Variants in HYDIN observed in about 807,000 individuals in gnomAD.
HYDIN encodes the protein HYDIN axonemal central pair apparatus protein.
In HYDIN, 132 loss-of-function variants were observed where a neutral mutation model predicts 403.9. That is an observed-to-expected ratio of 0.33 (90% confidence interval 0.28 to 0.38). HYDIN has a LOEUF of 0.38. Ranked by LOEUF, HYDIN falls within the 10% of genes least tolerant of loss-of-function variation. HYDIN has a pLI of 1.00. For missense variants in HYDIN, 2,827 were observed against 5,009.5 expected, an observed-to-expected ratio of 0.56 and a Z score of 13.15; for synonymous variants, 1,202 against 1,891.7, an observed-to-expected ratio of 0.64 and a Z score of 9.46.
intron 6 of HYDIN, 84 bp from the exon 7 acceptor site, chr16:71,152,867 C>T: frequency 8.7e-7 from 1 of 1,155,540 alleles, no homozygotes; most frequent in South Asian, 1.4e-5. Flanking sequence ...AGTTCTAGTT[C>T]TGCAGACAGC....
intron 7 of HYDIN, among the ~76,000 whole-genome samples, chr16:71,138,867 C>T (rs10852497): frequency 2.0e-4 from 30 of 152,004 alleles, no homozygotes; most frequent in African/African-American, 2.7e-4. Context: ...GCAGATCACC[C>T]GAGGTCGGGA....
chr16:71,004,627 G>A (rs2079837090), intron 23 of HYDIN, among the ~76,000 whole-genome samples: 1 of 151,948 alleles, frequency 6.6e-6, no homozygotes, highest in Non-Finnish European at 1.5e-5. Context: ...TAATATTTTG[G>A]TGAATGTTTT....
At chr16:71,228,242 T>C (rs981497189) in intron 1 of HYDIN, among the ~76,000 whole-genome samples, 4 of 152,018 alleles carry the variant, frequency 2.6e-5, no homozygotes, top group African/African-American at 7.2e-5. Context: ...ATTCAGGACA[T>C]AGGCATGGGC....
chr16:71,216,374 A>G (rs562655911), intron 1 of HYDIN, among the ~76,000 whole-genome samples: 1 of 152,364 alleles, frequency 6.6e-6, no homozygotes, highest in Admixed American at 6.5e-5. Context: ...ATACAGTGTG[A>G]TTCAATTTAT....
chr16:70,887,531 A>C (rs2041212896), intron 58 of HYDIN, among the ~76,000 whole-genome samples: 2 of 152,230 alleles, frequency 1.3e-5, no homozygotes, highest in South Asian at 4.2e-4. Context: ...CAGCCCTTCC[A>C]ACACCTTGAT....
At chr16:70,922,921 C>T (rs1352302639) in intron 45 of HYDIN, among the ~76,000 whole-genome samples, 3 of 150,104 alleles carry the variant, frequency 2.0e-5, no homozygotes, top group Non-Finnish European at 4.5e-5. Context: ...GCATGTGCCA[C>T]CATGCCTGGC....
chr16:71,094,928 C>T (rs182481022), intron 10 of HYDIN, among the ~76,000 whole-genome samples: 2,371 of 151,494 alleles, frequency 0.016, 8 homozygotes, highest in Non-Finnish European at 0.027. Flanking sequence ...TTATGCTTTA[C>T]CAGGTTTCCA....
In HYDIN at chr16:70,830,052, G is replaced by A. The variant is rs540253059; in HGVS notation, c.13900-222C>T. Among the ~76,000 whole-genome samples, 43 of 152,262 alleles carry A rather than the reference G, an allele frequency of 2.8e-4. No individual in the cohort carries two copies. In the South Asian group the frequency reaches 7.1e-3, roughly 25 times the overall value. ...TGGTGGTAGAGATGTAGCAATGAAC[G>A]AAATAACAAAAATCTCTGCCCTTGA... is the stretch of plus-strand genomic sequence containing the variant. On this transcript the variant is annotated intron_variant, in intron 80 of 85. Coordinates refer to ENST00000393567, the MANE Select transcript of HYDIN (RefSeq NM_001270974.2).
chr16:70,916,992 C>T (rs2076860586), intron 47 of HYDIN, among the ~76,000 whole-genome samples: 2 of 152,208 alleles, frequency 1.3e-5, no homozygotes, highest in East Asian at 1.9e-4. Context: ...GGTGTCATCT[C>T]AACTCACTAT....
chr16:71,206,228 G>A (rs1356364576), intron 1 of HYDIN, among the ~76,000 whole-genome samples: 1 of 152,146 alleles, frequency 6.6e-6, no homozygotes, highest in Non-Finnish European at 1.5e-5. Flanking sequence ...GCAAGGACAT[G>A]TCTTGTTGGC....
chr16:70,877,627 A>T (rs1330712122), intron 62 of HYDIN, among the ~76,000 whole-genome samples: 1 of 152,302 alleles, frequency 6.6e-6, no homozygotes, highest in African/African-American at 2.4e-5. Context: ...TCACACGTGC[A>T]GTTCAAAATA....
In HYDIN at chr16:70,833,046, T is replaced by G. The variant is rs2037123074; in HGVS notation, c.13701A>C (p.Lys4567Asn). The G allele has an allele frequency of 1.9e-6, 3 of 1,612,878 alleles. No individual in the cohort carries two copies. Among genetic ancestry groups the G allele is most frequent in the Admixed American group, 1.7e-5 (1 of 59,780 alleles). ...GGCTAATGGAGAAATGAGGCTCAAA[T>G]TTTTTGATGTCCCATTTAAACCTTT... is the stretch of plus-strand genomic sequence containing the variant. ...VGARFKWDIK[K>N]FEPHFSISPE... Residue 4567 changes from lysine to asparagine, a missense_variant, in exon 80 of 86, where the codon AAA becomes AAC. Physicochemically the swap from Lys to Asn is moderately conservative, Grantham distance 94. Transcript: ENST00000393567.
intron 35 of HYDIN, among the ~76,000 whole-genome samples, chr16:70,971,120 T>C (rs904706355): frequency 6.6e-6 from 1 of 152,220 alleles, no homozygotes; most frequent in African/African-American, 2.4e-5. Flanking sequence ...CTGAAGGTTC[T>C]CATTTCATGG....
At chr16:71,082,799 T>G (rs944565081) in intron 12 of HYDIN, among the ~76,000 whole-genome samples, 6 of 124,540 alleles carry the variant, frequency 4.8e-5, no homozygotes, top group Non-Finnish European at 3.2e-5. Flanking sequence ...TACAGAAGTA[T>G]TATTCACTAT....
chr16:71,074,722 A>AG (rs1186713805), intron 13 of HYDIN, among the ~76,000 whole-genome samples: 3 of 151,150 alleles, frequency 2.0e-5, no homozygotes, highest in Non-Finnish European at 3.0e-5. Flanking sequence ...AAAAAAAAAA[A>AG]AAAAAAGAAA....
At chr16:71,030,235 G>T (rs1597590961) in intron 19 of HYDIN, among the ~76,000 whole-genome samples, 1 of 151,898 alleles carries the variant, frequency 6.6e-6, no homozygotes, top group African/African-American at 2.4e-5. Flanking sequence ...ATTTCGTAGA[G>T]ATAGGGGGGT....
chr16:70,865,136 G>A, intron 67 of HYDIN: 1 of 289,196 alleles, frequency 3.5e-6, no homozygotes, highest in South Asian at 3.3e-5. Flanking sequence ...CCTTGTATGT[G>A]TTGCACATGT....
At position 71,069,572 on chromosome 16, in the gene HYDIN, A is replaced by G. The variant is rs887033475; in HGVS notation, c.1739-70T>C. 4 of 849,586 alleles carry G rather than the reference A, an allele frequency of 4.7e-6. No individual in the cohort carries two copies. In the Admixed American group the frequency reaches 7.4e-5, roughly 16 times the overall value. 52.6% of individuals were successfully genotyped at this position (849,586 alleles called of 1,614,324 possible). A position where few individuals can be genotyped will look rare whatever the true frequency, so the allele number is the denominator to read the frequency against. On this transcript the variant is annotated intron_variant, in intron 13 of 85. Coordinates refer to ENST00000393567, the MANE Select transcript of HYDIN (RefSeq NM_001270974.2). ...CCTCCCTTGACCCTCAATCTCCCCT[A>G]GAAACTGCTAAGCTTCTTGAATGAA... is the stretch of plus-strand genomic sequence containing the variant.
chr16:71,127,679 G>A (rs1329683119), intron 9 of HYDIN, among the ~76,000 whole-genome samples: 1 of 152,112 alleles, frequency 6.6e-6, no homozygotes, highest in Non-Finnish European at 1.5e-5. Flanking sequence ...GCTGCCCAGG[G>A]GTAGCAGTCA....
Sources: allele counts gnomAD v4.1 joint callset (sites outside exome capture counted in the v4.1 genomes callset), GRCh38; gene constraint gnomAD v4.1.1; transcripts MANE v1.5; gene names NCBI Gene and HGNC (gene_info 2026-07-23, HGNC 2026-07-21).